SCEL: variants seen among roughly 807,000 people sequenced by gnomAD.
SCEL encodes the protein sciellin.
SCEL carries 113 observed loss-of-function variants against 117.6 expected under a neutral mutation model. The observed-to-expected ratio is 0.96, with a 90% CI of 0.83 to 1.12. The LOEUF (loss-of-function observed/expected upper bound fraction) is 1.12. SCEL is among the 50% of genes most tolerant of loss of function. The pLI, the probability that SCEL is intolerant of heterozygous loss-of-function variation, is 0.00. For missense variants in SCEL, 785 were observed against 810.8 expected (o/e 0.97, Z 0.39); for synonymous variants, 270 against 256.2 (o/e 1.05, Z -0.51).
In SCEL at chr13:77,543,372, C is replaced by T. The variant is rs142035150; in HGVS notation, c.-20+7548C>T. Among the ~76,000 whole-genome samples the T allele has an allele frequency of 2.3e-3, 357 of 152,272 alleles. 2 individuals are homozygous for T. The highest frequency in any genetic ancestry group is 8.1e-3 in the African/African-American group (337 of 41,540). ...TGCTGGGACTACAGGCGTGAGCCAC[C>T]GCGCCCGGCCAACTTTAGCTTTTTT... is the stretch of plus-strand genomic sequence containing the variant. On this transcript the variant is annotated intron_variant, in intron 1 of 32. Transcript: ENST00000349847.
intron 22 of SCEL, among the ~76,000 whole-genome samples, chr13:77,611,983 A>G (rs1383571588): frequency 6.6e-6 from 1 of 152,188 alleles, no homozygotes; most frequent in South Asian, 2.1e-4. Context: ...GAATCTTATG[A>G]AATTACTGAC....
At chr13:77,627,608 AC>A (rs950724072) in intron 27 of SCEL, among the ~76,000 whole-genome samples, 26 of 152,290 alleles carry the variant, frequency 1.7e-4, no homozygotes, top group African/African-American at 5.3e-4. Flanking sequence ...ATTAAATCAC[AC>A]ATACCCTGAA....
At chr13:77,620,088 G>A (rs779782704) in intron 27 of SCEL, among the ~76,000 whole-genome samples, 1 of 152,122 alleles carries the variant, frequency 6.6e-6, no homozygotes, top group Non-Finnish European at 1.5e-5. Flanking sequence ...ATTGGCTATC[G>A]TGTGGTTTTA....
chr13:77,537,199 G>A (rs1055702142), intron 1 of SCEL, among the ~76,000 whole-genome samples: 4 of 152,150 alleles, frequency 2.6e-5, no homozygotes, highest in African/African-American at 4.8e-5. Context: ...TGTTAGCGTC[G>A]TATAAATCTT....
chr13:77,575,346 T>C (rs1186562099), intron 9 of SCEL, among the ~76,000 whole-genome samples: 1 of 152,228 alleles, frequency 6.6e-6, no homozygotes, highest in Non-Finnish European at 1.5e-5. Flanking sequence ...TCTTTATAAT[T>C]AATATATCTA....
In SCEL at chr13:77,572,163, C is replaced by A; in HGVS notation, c.519C>A (p.Ala173=). 1 of 1,612,326 alleles carries A rather than the reference C, an allele frequency of 6.2e-7. No individual in the cohort carries two copies. Among genetic ancestry groups the A allele is most frequent in the Non-Finnish European group, 8.5e-7 (1 of 1,179,106 alleles). The change falls in exon 9 of 33, where the codon GCC becomes GCA. Residue 173 remains alanine, a synonymous_variant. Coordinates refer to ENST00000349847, the MANE Select transcript of SCEL (RefSeq NM_144777.3). ...WFPPPPPGYN[A]SSSTGTRRRE... Reference sequence around the variant, plus strand: ...CACCGCCCCCTCCAGGTTACAATGCCTCCTCGAGCACAGGAACCAGGAGAC... The same window carrying A: ...CACCGCCCCCTCCAGGTTACAATGCATCCTCGAGCACAGGAACCAGGAGAC...
At chr13:77,557,375 G>T (rs1423702720) in intron 3 of SCEL, among the ~76,000 whole-genome samples, 1 of 152,132 alleles carries the variant, frequency 6.6e-6, no homozygotes, top group Non-Finnish European at 1.5e-5. Flanking sequence ...GTATTTGTCC[G>T]ATTATATATT....
intron 29 of SCEL, among the ~76,000 whole-genome samples, chr13:77,636,129 A>G (rs754673822): frequency 6.6e-6 from 1 of 152,186 alleles, no homozygotes; most frequent in Non-Finnish European, 1.5e-5. Context: ...GTTTCCTAAA[A>G]TCTACATTGA....
At chr13:77,576,777 T>C (rs529777842) in intron 9 of SCEL, among the ~76,000 whole-genome samples, 1 of 152,246 alleles carries the variant, frequency 6.6e-6, no homozygotes, top group Admixed American at 6.5e-5. Flanking sequence ...GAACATGGAA[T>C]GTTTTTCCAA....
intron 8 of SCEL, among the ~76,000 whole-genome samples, chr13:77,570,678 T>A (rs2085546731): frequency 6.6e-6 from 1 of 152,156 alleles, no homozygotes; most frequent in Non-Finnish European, 1.5e-5. Flanking sequence ...ATATCTTCAG[T>A]TTTCATCCAT....
intron 28 of SCEL, among the ~76,000 whole-genome samples, chr13:77,631,930 A>AT (rs938871224): frequency 6.6e-5 from 10 of 152,222 alleles, no homozygotes; most frequent in South Asian, 2.1e-4. Flanking sequence ...GCAAGGTCCT[A>AT]TCAGGGTTGG....
chr13:77,600,498 A>G (rs2087593738), intron 15 of SCEL, among the ~76,000 whole-genome samples: 1 of 152,130 alleles, frequency 6.6e-6, no homozygotes, highest in Non-Finnish European at 1.5e-5. Flanking sequence ...TTTCATATGT[A>G]TATCTCTTCA....
chr13:77,546,285 A>G (rs2083986039), intron 1 of SCEL, among the ~76,000 whole-genome samples: 1 of 152,174 alleles, frequency 6.6e-6, no homozygotes, highest in Non-Finnish European at 1.5e-5. Flanking sequence ...GTCATATCAC[A>G]TGGCACTTTG....
rs201078293 is a variant in SCEL, at chr13:77,597,495, C to G, written c.753-50C>G. On this transcript the variant is annotated intron_variant, in intron 12 of 32. Coordinates refer to ENST00000349847, the MANE Select transcript of SCEL (RefSeq NM_144777.3). Reference sequence around the variant, plus strand: ...ATTTTAAGGCAAATTTACCCTTTGACCCTGGGCAAGCTTTTTACTAATGTT... The same window carrying G: ...ATTTTAAGGCAAATTTACCCTTTGAGCCTGGGCAAGCTTTTTACTAATGTT... 727 of 1,107,052 alleles carry G rather than the reference C, an allele frequency of 6.6e-4. 7 individuals are homozygous for G. The African/African-American group carries it at 6.9e-3, about 11-fold the overall frequency. The allele number at this position is 1,107,052 out of a possible 1,614,324, so 68.6% of individuals were successfully genotyped here.
intron 30 of SCEL, 39 bp downstream of exon 30, chr13:77,637,233 C>A: frequency 1.1e-6 from 1 of 898,268 alleles, no homozygotes; most frequent in South Asian, 1.6e-5. Flanking sequence ...AAAGTACACA[C>A]ATACAGACAC....
chr13:77,591,897 G>A (rs1305859617), intron 11 of SCEL, among the ~76,000 whole-genome samples: 1 of 152,042 alleles, frequency 6.6e-6, no homozygotes, highest in Non-Finnish European at 1.5e-5. Context: ...AAATGTCGTC[G>A]GGGGGGAGGG....
In SCEL at chr13:77,637,025, ATAT is replaced by A. The variant is rs552608171; in HGVS notation, c.1764-91_1764-89del. 5.0e-3 allele frequency: 2,795 copies of A among 564,560 alleles called. 21 individuals are homozygous for A. The highest frequency in any genetic ancestry group is 9.9e-3 in the Middle Eastern group (35 of 3,518). 35.0% of individuals were successfully genotyped at this position (564,560 alleles called of 1,614,324 possible). The stretch of plus-strand genomic sequence containing the variant: ...GGCTTGTAACATACACAAAGATAAA[ATAT>A]TATGAGGCTTCATGAGGTGGTGTGA... On this transcript the variant is annotated intron_variant, in intron 29 of 32. Transcript: ENST00000349847.
chr13:77,591,490 A>T (rs1414981516), intron 11 of SCEL, 30 bp downstream of exon 11: 1 of 1,211,408 alleles, frequency 8.3e-7, no homozygotes, highest in Non-Finnish European at 1.2e-6. Context: ...TATCTATGTA[A>T]CTGTAGTAAT....
At chr13:77,538,667 C>T (rs2154393176) in intron 1 of SCEL, among the ~76,000 whole-genome samples, 1 of 152,226 alleles carries the variant, frequency 6.6e-6, no homozygotes, top group South Asian at 2.1e-4. Flanking sequence ...TTTATAGCTA[C>T]CTATTCAATG....
Sources: gnomAD v4.1 joint callset for allele counts (sites outside exome capture counted in the v4.1 genomes callset) on GRCh38, gnomAD v4.1.1 for gene constraint, MANE v1.5 for transcripts, NCBI Gene and HGNC (gene_info 2026-07-23, HGNC 2026-07-21) for gene names.